The following FNDC3B variants were observed in gnomAD, a reference collection of about 807,000 sequenced individuals.
FNDC3B encodes the protein fibronectin type III domain containing 3B.
FNDC3B carries 12 observed loss-of-function variants against 151.5 expected under a neutral mutation model. The observed-to-expected ratio is 0.08, with a 90% CI of 0.05 to 0.13. FNDC3B has a LOEUF of 0.13. Ranked by LOEUF, FNDC3B falls within the 10% of genes least tolerant of loss-of-function variation. FNDC3B has a pLI of 1.00. For synonymous variants in FNDC3B, 528 were observed against 549.0 expected, an observed-to-expected ratio of 0.96 and a Z score of 0.54; for missense variants, 1,214 against 1,505.3, an observed-to-expected ratio of 0.81 and a Z score of 3.20.
In FNDC3B at chr3:172,399,475, A is replaced by G. The variant is rs1204148479; in HGVS notation, c.*2000A>G. 6.6e-6 allele frequency: 1 copy of G among 152,644 alleles called. No homozygotes were observed. Among genetic ancestry groups the G allele is most frequent in the African/African-American group, 2.4e-5 (1 of 41,456 alleles). The allele number at this position is 152,644 out of a possible 1,614,324, so 9.5% of individuals were successfully genotyped here. A position where few individuals can be genotyped will look rare whatever the true frequency, so the allele number is the denominator to read the frequency against. On this transcript the variant is annotated 3_prime_UTR_variant, in exon 26 of 26. Coordinates refer to ENST00000415807, the MANE Select transcript of FNDC3B (RefSeq NM_022763.4). ...TCATCTCTTGGAAGAAAATGCTGAG[A>G]TCAATGAATTATTCTGTGTGCCTAT... is the stretch of plus-strand genomic sequence containing the variant.
chr3:172,058,453 C>CT (rs76956209), intron 1 of FNDC3B, among the ~76,000 whole-genome samples: 6,623 of 135,148 alleles, frequency 0.049, 425 homozygotes, highest in African/African-American at 0.16. Context: ...CCTTAATTTT[C>CT]TTTTTTTTTT....
At chr3:172,134,104 G>A (rs561194088) in intron 3 of FNDC3B, among the ~76,000 whole-genome samples, 16 of 152,244 alleles carry the variant, frequency 1.1e-4, no homozygotes, top group African/African-American at 3.6e-4. Context: ...AAAATGCCCC[G>A]TCCCAAGATC....
At chr3:172,310,503 G>A (rs939035967) in intron 10 of FNDC3B, among the ~76,000 whole-genome samples, 7 of 152,248 alleles carry the variant, frequency 4.6e-5, no homozygotes, top group African/African-American at 1.4e-4. Flanking sequence ...CTCTACGCTT[G>A]AATTCAAAGT....
intron 1 of FNDC3B, among the ~76,000 whole-genome samples, chr3:172,096,751 T>A (rs1156823233): frequency 1.3e-5 from 2 of 152,234 alleles, no homozygotes; most frequent in Non-Finnish European, 2.9e-5. Flanking sequence ...GGTGAGATTA[T>A]GAACAATTAA....
chr3:172,336,181 G>C (rs1030348329), intron 15 of FNDC3B, among the ~76,000 whole-genome samples: 1 of 152,172 alleles, frequency 6.6e-6, no homozygotes, highest in African/African-American at 2.4e-5. Context: ...GGAAGTGAAT[G>C]TTCTAAATTT....
intron 6 of FNDC3B, among the ~76,000 whole-genome samples, chr3:172,269,632 G>GTTGTT (rs370434414): frequency 0.019 from 2,949 of 151,464 alleles, 80 homozygotes; most frequent in African/African-American, 0.064. Flanking sequence ...TTTTTTGTTT[G>GTTGTT]TTGTTTTGTT....
intron 6 of FNDC3B, among the ~76,000 whole-genome samples, chr3:172,261,699 A>G (rs1190441693): frequency 6.6e-6 from 1 of 152,240 alleles, no homozygotes; most frequent in Non-Finnish European, 1.5e-5. Flanking sequence ...TGGTGCACAA[A>G]TAATTGTGGG....
Position 172,164,894 on chromosome 3 carries a change from TA to T in FNDC3B, c.187+31349del, listed in dbSNP as rs143332724. Among the ~76,000 whole-genome samples the T allele has an allele frequency of 3.4e-3, 517 of 152,360 alleles. 2 individuals carry two copies. Among genetic ancestry groups the T allele is most frequent in the African/African-American group, 0.012 (506 of 41,586 alleles). On this transcript the variant is annotated intron_variant, in intron 3 of 25. Transcript: ENST00000415807. Reference sequence around the variant, plus strand: ...AATGTAGATGAATTTAAGTTTGTTATAGGGGGAAATATTTTCTGTCTCATTG... The same window carrying T: ...AATGTAGATGAATTTAAGTTTGTTATGGGGGAAATATTTTCTGTCTCATTG...
Position 172,311,883 on chromosome 3 carries a change from GAAAAA to G in FNDC3B, c.1254+1012_1254+1016del, listed in dbSNP as rs56937613. 3.5e-5 allele frequency among the ~76,000 whole-genome samples: 4 copies of G among 112,974 alleles called. No homozygotes were observed. The East Asian group carries it at 9.4e-4, about 26-fold the overall frequency. 74.1% of individuals were successfully genotyped at this position (112,974 alleles called of 152,430 possible). ...ACAGAGCAAGACTCCGTCTCAAAAAGAAAAAAAAAAAAAAGCAACTGTACTTTTTG... is the reference window on the plus strand; with the variant it reads ...ACAGAGCAAGACTCCGTCTCAAAAAGAAAAAAAAAGCAACTGTACTTTTTG... On this transcript the variant is annotated intron_variant, in intron 11 of 25. Coordinates refer to ENST00000415807, the MANE Select transcript of FNDC3B (RefSeq NM_022763.4).
At position 172,400,482 on chromosome 3, in the gene FNDC3B, G is replaced by A. The variant is rs986615485; in HGVS notation, c.*3007G>A. 1 of 152,354 alleles carries A rather than the reference G, an allele frequency of 6.6e-6. No homozygotes were observed. The highest frequency in any genetic ancestry group is 1.5e-5 in the Non-Finnish European group (1 of 67,986). The allele number at this position is 152,354 out of a possible 1,614,324, so 9.4% of individuals were successfully genotyped here. A position where few individuals can be genotyped will look rare whatever the true frequency, so the allele number is the denominator to read the frequency against. ...AGATAAAATGTTTTACCTCACTGTT[G>A]GACATACATTCCAAGCTTTTCAACT... On this transcript the variant is annotated 3_prime_UTR_variant, in exon 26 of 26. Transcript: ENST00000415807.
intron 3 of FNDC3B, among the ~76,000 whole-genome samples, chr3:172,219,315 A>G (rs1726153897): frequency 6.6e-6 from 1 of 152,220 alleles, no homozygotes; most frequent in Admixed American, 6.5e-5. Context: ...CACAGTGTCT[A>G]GAAATAGTGT....
chr3:172,221,174 G>C (rs1490548354), intron 3 of FNDC3B, among the ~76,000 whole-genome samples: 1 of 61,956 alleles, frequency 1.6e-5, no homozygotes, highest in Non-Finnish European at 3.7e-5. Context: ...GCTAGCTCTA[G>C]TAATTTTTTT....
chr3:172,350,202 A>G (rs2108321077), intron 21 of FNDC3B, among the ~76,000 whole-genome samples: 1 of 152,356 alleles, frequency 6.6e-6, no homozygotes, highest in South Asian at 2.1e-4. Context: ...CTCTGCCAGC[A>G]TTTTACATAT....
chr3:172,055,271 T>G (rs545703036), intron 1 of FNDC3B, among the ~76,000 whole-genome samples: 33 of 152,284 alleles, frequency 2.2e-4, no homozygotes, highest in African/African-American at 7.7e-4. Flanking sequence ...ACTATACAAT[T>G]TCTTCACTAA....
At chr3:172,285,406 G>A (rs1729956052) in intron 6 of FNDC3B, among the ~76,000 whole-genome samples, 2 of 152,214 alleles carry the variant, frequency 1.3e-5, no homozygotes, top group African/African-American at 4.8e-5. Context: ...CTCAAAAGAA[G>A]ATCATATCTG....
intron 3 of FNDC3B, among the ~76,000 whole-genome samples, chr3:172,198,092 C>T (rs1264789010): frequency 6.6e-6 from 1 of 151,838 alleles, no homozygotes; most frequent in African/African-American, 2.4e-5. Context: ...TTCCTTTAAC[C>T]CATCTTATGT....
chr3:172,379,814 G>C (rs774275787), intron 24 of FNDC3B, among the ~76,000 whole-genome samples: 1 of 152,244 alleles, frequency 6.6e-6, no homozygotes, highest in South Asian at 2.1e-4. Flanking sequence ...GCCTCTCAAA[G>C]TGATTCTTGG....
At chr3:172,288,671 A>C (rs917820455) in intron 7 of FNDC3B, among the ~76,000 whole-genome samples, 5 of 152,250 alleles carry the variant, frequency 3.3e-5, no homozygotes, top group African/African-American at 1.2e-4. Context: ...GAGTCATGAA[A>C]GATCTGTAGA....
chr3:172,114,597 T>C (rs1161093185), intron 2 of FNDC3B, among the ~76,000 whole-genome samples: 2 of 152,160 alleles, frequency 1.3e-5, no homozygotes, highest in Non-Finnish European at 2.9e-5. Context: ...TAAAACCATA[T>C]TTTCAAAGCT....
Sources: gnomAD v4.1 joint callset for allele counts (sites outside exome capture counted in the v4.1 genomes callset) on GRCh38, gnomAD v4.1.1 for gene constraint, MANE v1.5 for transcripts, NCBI Gene and HGNC (gene_info 2026-07-23, HGNC 2026-07-21) for gene names.